Variants in DAPK2 observed in about 807,000 individuals in gnomAD.
DAPK2 encodes death associated protein kinase 2.
In DAPK2, 35 loss-of-function variants were observed where a neutral mutation model predicts 44.1. The ratio of observed to expected loss-of-function variants is 0.79; its 90% CI spans 0.61 to 1.05. The LOEUF (loss-of-function observed/expected upper bound fraction) is 1.05. Ranked by LOEUF, DAPK2 falls within the 50% of genes least tolerant of loss-of-function variation. The pLI, the probability that DAPK2 is intolerant of heterozygous loss-of-function variation, is 0.00. For synonymous variants in DAPK2, 174 were observed against 182.6 expected, an observed-to-expected ratio of 0.95 and a Z score of 0.38; for missense variants, 453 against 483.2, an observed-to-expected ratio of 0.94 and a Z score of 0.59.
intron 4 of DAPK2, among the ~76,000 whole-genome samples, chr15:63,937,374 T>C (rs2077190143): frequency 6.6e-6 from 1 of 152,146 alleles, no homozygotes; most frequent in Non-Finnish European, 1.5e-5. Context: ...TATTGGATAT[T>C]TATCAGCATA....
upstream of DAPK2, among the ~76,000 whole-genome samples, chr15:64,041,577 T>G (rs2080354240): frequency 6.6e-6 from 1 of 152,196 alleles, no homozygotes; most frequent in Non-Finnish European, 1.5e-5. Context: ...TCCAAGGGTC[T>G]TTAGCAAAGG....
chr15:64,018,880 G>A (rs1414997178), intron 1 of DAPK2, among the ~76,000 whole-genome samples: 7 of 152,220 alleles, frequency 4.6e-5, no homozygotes, highest in African/African-American at 1.7e-4. Flanking sequence ...CAAATGCTTT[G>A]AGGCCAGGTT....
At chr15:64,036,326 T>C (rs867167414) in intron 1 of DAPK2, among the ~76,000 whole-genome samples, 5,013 of 109,486 alleles carry the variant, frequency 0.046, 344 homozygotes, top group African/African-American at 0.097. Context: ...TATGTATATA[T>C]ATATATATAT....
chr15:63,961,170 C>T (rs2077889967), intron 3 of DAPK2, among the ~76,000 whole-genome samples: 1 of 151,730 alleles, frequency 6.6e-6, no homozygotes, highest in South Asian at 2.1e-4. Context: ...GATTGCAACC[C>T]TTGCTTTTTT....
intron 1 of DAPK2, among the ~76,000 whole-genome samples, chr15:63,997,170 G>A (rs1253671918): frequency 2.0e-5 from 3 of 152,132 alleles, no homozygotes; most frequent in African/African-American, 7.2e-5. Context: ...TGCCTTCAGG[G>A]TTGCCACTCC....
At chr15:63,925,678 G>GCGCGCGCGCACA (rs1352051474) in intron 7 of DAPK2, among the ~76,000 whole-genome samples, 10 of 138,544 alleles carry the variant, frequency 7.2e-5, no homozygotes, top group South Asian at 2.3e-4. Context: ...GACTTGTAGC[G>GCGCGCGCGCACA]CACACACACA....
intron 1 of DAPK2, among the ~76,000 whole-genome samples, chr15:63,987,398 G>A (rs1332512170): frequency 1.3e-5 from 2 of 152,194 alleles, no homozygotes; most frequent in African/African-American, 2.4e-5. Context: ...GTCATCCAGG[G>A]AGGGAGCAGA....
At chr15:63,956,214 T>C (rs1021288053) in intron 3 of DAPK2, among the ~76,000 whole-genome samples, 3 of 152,216 alleles carry the variant, frequency 2.0e-5, no homozygotes, top group African/African-American at 7.2e-5. Context: ...TAAAAGTTTG[T>C]TGATTTTACC....
chr15:63,967,217 T>C (rs915081675), intron 3 of DAPK2, among the ~76,000 whole-genome samples: 2 of 152,060 alleles, frequency 1.3e-5, no homozygotes, highest in Middle Eastern at 3.4e-3. Context: ...AAACAATAAA[T>C]AAAACCAGGT....
chr15:63,944,194 C>G (rs528542899), intron 3 of DAPK2, among the ~76,000 whole-genome samples: 1 of 152,072 alleles, frequency 6.6e-6, no homozygotes, highest in African/African-American at 2.4e-5. Flanking sequence ...GGAAGGTGGC[C>G]GTGGGGCAGT....
At chr15:64,015,693 G>T (rs1441180911) in intron 1 of DAPK2, among the ~76,000 whole-genome samples, 1 of 152,206 alleles carries the variant, frequency 6.6e-6, no homozygotes, top group Non-Finnish European at 1.5e-5. Context: ...TAAGAGTGAG[G>T]CAGGCAGAGA....
intron 3 of DAPK2, among the ~76,000 whole-genome samples, chr15:63,961,289 T>C (rs1309008884): frequency 1.3e-5 from 2 of 152,220 alleles, no homozygotes; most frequent in Non-Finnish European, 2.9e-5. Flanking sequence ...GGGTCTTGAC[T>C]CTATCCAATT....
rs1164639687 is a variant in DAPK2 at position 63,939,439 on chromosome 15, TC to T, written c.454-79del. 3.4e-6 allele frequency: 5 copies of T among 1,462,604 alleles called. No homozygotes were observed. In the African/African-American group the frequency reaches 7.2e-5, roughly 21 times the overall value. The allele number at this position is 1,462,604 out of a possible 1,614,324, so 90.6% of individuals were successfully genotyped here. A position where few individuals can be genotyped will look rare whatever the true frequency, so the allele number is the denominator to read the frequency against. On this transcript the variant is annotated intron_variant, in intron 3 of 10. Coordinates refer to ENST00000261891, the Ensembl canonical transcript of DAPK2. This position sits in a 1 kb window ranked among gnomAD's most constrained non-coding sequence, Gnocchi z 4.3. ...AGACGGTAATTAAAGGCTGGTTGGT[TC>T]GTGTTTTGGCTTTGGGGTTTGGGGT...
chr15:64,025,376 C>T (rs1037849879), intron 1 of DAPK2, among the ~76,000 whole-genome samples: 1 of 152,218 alleles, frequency 6.6e-6, no homozygotes, highest in Non-Finnish European at 1.5e-5. Context: ...GAGCGCCCTT[C>T]CCTTCTTCCT....
intron 1 of DAPK2, among the ~76,000 whole-genome samples, chr15:64,006,295 C>T (rs953745069): frequency 1.3e-5 from 2 of 152,038 alleles, no homozygotes; most frequent in Non-Finnish European, 2.9e-5. Flanking sequence ...GTAGCTTTTG[C>T]CAATTTAACA....
rs1194129319 is a variant in DAPK2, at chr15:63,923,934, C to T, written c.858+882G>A. On this transcript the variant is annotated intron_variant, in intron 8 of 10. Transcript: ENST00000261891. The surrounding 1 kb of genome is among the most constrained non-coding windows in gnomAD (Gnocchi z 4.2). Reference sequence around the variant, plus strand: ...CTGGGCTCAAGTCATCCTTCTGCTGCCTCGGCCTCCCAAAGTGCTGGGATT... The same window carrying T: ...CTGGGCTCAAGTCATCCTTCTGCTGTCTCGGCCTCCCAAAGTGCTGGGATT... Among the ~76,000 whole-genome samples, 1 of 152,228 alleles carries T rather than the reference C, an allele frequency of 6.6e-6. No homozygotes were observed. Among genetic ancestry groups the T allele is most frequent in the Admixed American group, 6.5e-5 (1 of 15,282 alleles).
chr15:64,045,709 C>T (rs1212617950), intron 1 of DAPK2, among the ~76,000 whole-genome samples: 1 of 152,202 alleles, frequency 6.6e-6, no homozygotes, highest in South Asian at 2.1e-4. Flanking sequence ...AATGCCTAGC[C>T]CAGAGTCCTA....
At chr15:63,942,778 C>G (rs2077344235) in intron 3 of DAPK2, among the ~76,000 whole-genome samples, 1 of 151,978 alleles carries the variant, frequency 6.6e-6, no homozygotes, top group African/African-American at 2.4e-5. Context: ...GTACCTCCTC[C>G]AGAAGGCCTT....
At chr15:64,042,324 G>T (rs1362317877), upstream of DAPK2, among the ~76,000 whole-genome samples, 2 of 152,052 alleles carry the variant, frequency 1.3e-5, no homozygotes, top group East Asian at 3.8e-4. The surrounding 1 kb of genome is among the most constrained non-coding windows in gnomAD (Gnocchi z 4.7). Flanking sequence ...GGAGTAAAGG[G>T]AGTGCTATCT....
Sources: allele counts gnomAD v4.1 joint callset (sites outside exome capture counted in the v4.1 genomes callset), GRCh38; gene constraint gnomAD v4.1.1; non-coding constraint Gnocchi (gnomAD v3.1); transcripts MANE v1.5; gene names NCBI Gene and HGNC (gene_info 2026-07-23, HGNC 2026-07-21).